ANAPC4: variants seen among roughly 807,000 people sequenced by gnomAD.
ANAPC4 encodes anaphase-promoting complex subunit 4.
In ANAPC4, 63 loss-of-function variants were observed where a neutral mutation model predicts 119.8. That is an observed-to-expected ratio of 0.53 (90% confidence interval 0.43 to 0.65). The LOEUF is 0.65. Ranked by LOEUF, ANAPC4 falls within the 30% of genes least tolerant of loss-of-function variation. The pLI is 0.00. For missense variants in ANAPC4, 716 were observed against 945.1 expected, an observed-to-expected ratio of 0.76 and a Z score of 3.18; for synonymous variants, 283 against 318.6, an observed-to-expected ratio of 0.89 and a Z score of 1.19.
chr4:25,395,714 T>G (rs1186020014), intron 14 of ANAPC4, among the ~76,000 whole-genome samples: 3 of 152,122 alleles, frequency 2.0e-5, no homozygotes, highest in African/African-American at 7.2e-5. Context: ...CCTCCCAAAG[T>G]GCTGGGATTA....
intron 4 of ANAPC4, among the ~76,000 whole-genome samples, chr4:25,384,041 A>G (rs1417092589): frequency 6.6e-6 from 1 of 152,242 alleles, no homozygotes; most frequent in Non-Finnish European, 1.5e-5. Context: ...TCAAAATTAG[A>G]GTCAGCTCTC....
chr4:25,416,318 A>C, intron 26 of ANAPC4, 107 bp from the exon 27 acceptor site: 1 of 591,980 alleles, frequency 1.7e-6, no homozygotes. Context: ...ACAGAATGTC[A>C]CTTAACTTTT....
In ANAPC4 at chr4:25,394,351, C is replaced by T. The variant is rs1349284162; in HGVS notation, c.918C>T (p.His306=). 1 of 1,579,988 alleles carries T rather than the reference C, an allele frequency of 6.3e-7. No homozygotes were observed. Among genetic ancestry groups the T allele is most frequent in the African/African-American group, 1.4e-5 (1 of 72,458 alleles). ...CATCAGTGCAAGATGAGTTCATGCACTTGCTATTATGGGGGAAAGCAAGGT... is the reference window on the plus strand; with the variant it reads ...CATCAGTGCAAGATGAGTTCATGCATTTGCTATTATGGGGGAAAGCAAGGT... ...TTTSVQDEFM[H]LLLWGKASAE... The change falls in exon 12 of 29, where the codon CAC becomes CAT. Residue 306 remains histidine (H), a synonymous_variant. Coordinates refer to ENST00000315368, the MANE Select transcript of ANAPC4 (RefSeq NM_013367.3).
chr4:25,386,093 A>G (rs2109114141), intron 4 of ANAPC4, among the ~76,000 whole-genome samples: 1 of 151,586 alleles, frequency 6.6e-6, no homozygotes, highest in South Asian at 2.1e-4. Flanking sequence ...TTGTATTTTT[A>G]GTAGAGATGG....
rs1721454537 is a variant in ANAPC4 at position 25,377,336 on chromosome 4, C to G, written c.-19C>G. On this transcript the variant is annotated 5_prime_UTR_variant, in exon 1 of 29. Transcript: ENST00000315368. ...GGCCGTGTTAGTCTGCCGGTGGGGA[C>G]TCTTGCAGGTACAGGCGCGGTCGGG... is the stretch of plus-strand genomic sequence containing the variant. 2 of 1,539,158 alleles carry G rather than the reference C, an allele frequency of 1.3e-6. No individual in the cohort carries two copies. Among genetic ancestry groups the G allele is most frequent in the Non-Finnish European group, 1.8e-6 (2 of 1,139,402 alleles).
At chr4:25,412,654 G>GGAGACATTCAA (rs1364130499) in intron 21 of ANAPC4, among the ~76,000 whole-genome samples, 11 of 152,108 alleles carry the variant, frequency 7.2e-5, no homozygotes, top group African/African-American at 2.7e-4. Flanking sequence ...GGGACACTGA[G>GGAGACATTCAA]GCAGGAGAAT....
At chr4:25,385,020 A>G (rs539688786) in intron 4 of ANAPC4, among the ~76,000 whole-genome samples, 6 of 152,330 alleles carry the variant, frequency 3.9e-5, no homozygotes, top group African/African-American at 1.4e-4. Context: ...CCGTGCTGTA[A>G]ACAGATATGC....
intron 12 of ANAPC4, 63 bp from the exon 13 acceptor site, chr4:25,394,608 G>A: frequency 6.7e-7 from 1 of 1,488,970 alleles, no homozygotes; most frequent in Non-Finnish European, 9.1e-7. Flanking sequence ...TTTAAAAGTT[G>A]TAAGTGATGC....
At chr4:25,385,714 G>A (rs796167321) in intron 4 of ANAPC4, among the ~76,000 whole-genome samples, 4 of 152,280 alleles carry the variant, frequency 2.6e-5, no homozygotes, top group African/African-American at 9.6e-5. Flanking sequence ...TTTTCAACGT[G>A]CCTTCCTCTC....
Position 25,394,729 on chromosome 4 carries a change from C to CT in ANAPC4, c.984+17dup. The CT allele has an allele frequency of 6.2e-7, 1 of 1,605,264 alleles. No homozygotes were observed. The highest frequency in any genetic ancestry group is 1.1e-5 in the South Asian group (1 of 88,586). ...AACAGTAAAGGTGCAGTTAATGTAT[C>CT]TATGTATTCAAATGGCTATGAACAC... On this transcript the variant is annotated intron_variant, in intron 13 of 28. Coordinates refer to ENST00000315368, the MANE Select transcript of ANAPC4 (RefSeq NM_013367.3).
At chr4:25,388,434 A>G (rs1722160345) in intron 4 of ANAPC4, 66 bp from the exon 5 acceptor site, 1 of 1,120,022 alleles carries the variant, frequency 8.9e-7, no homozygotes. Flanking sequence ...AAAAATTAGC[A>G]TTTTTAATGG....
rs1682644483 is a variant in ANAPC4 at position 25,407,225 on chromosome 4, A to G, written c.1403A>G (p.Lys468Arg). The change falls in exon 20 of 29, where the codon AAA becomes AGA. Residue 468 changes from lysine (K) to arginine (R), a missense_variant. Physicochemically the swap from Lys to Arg is conservative, Grantham distance 26. Transcript: ENST00000315368. ...CCAGACCTTTATAATCGAAAAGGAA[A>G]ATACTTTAACGTTGAAAGAGTTGGT... ...EAPDLYNRKG[K>R]YFNVERVGQY... 2 of 1,608,888 alleles carry G rather than the reference A, an allele frequency of 1.2e-6. No individual in the cohort carries two copies. Among genetic ancestry groups the G allele is most frequent in the Non-Finnish European group, 1.7e-6 (2 of 1,178,274 alleles).
intron 7 of ANAPC4, among the ~76,000 whole-genome samples, chr4:25,389,479 G>A (rs1722222408): frequency 1.3e-5 from 2 of 151,632 alleles, no homozygotes; most frequent in Admixed American, 6.6e-5. Context: ...TTTTAGTAGA[G>A]ACGGGGTTTC....
intron 16 of ANAPC4, among the ~76,000 whole-genome samples, chr4:25,399,884 G>T (rs1722862251): frequency 6.6e-6 from 1 of 152,182 alleles, no homozygotes; most frequent in African/African-American, 2.4e-5. Context: ...AAAGGAAATG[G>T]GAGAGACAGA....
In ANAPC4 at chr4:25,402,949, TTTTTTG is replaced by T. The variant is rs1560441814; in HGVS notation, c.1215-16_1215-11del. ...CCCCACACACTAATCTTATTTCTGA[TTTTTTG>T]TTTTTATCTCTTTAGAGTTATAGAT... is the stretch of plus-strand genomic sequence containing the variant. On this transcript the variant is annotated splice_polypyrimidine_tract_variant and intron_variant, in intron 16 of 28. Coordinates refer to ENST00000315368, the MANE Select transcript of ANAPC4 (RefSeq NM_013367.3). 7.0e-7 allele frequency: 1 copy of T among 1,438,802 alleles called. No individual in the cohort carries two copies. The highest frequency in any genetic ancestry group is 2.3e-5 in the East Asian group (1 of 42,712). The allele number at this position is 1,438,802 out of a possible 1,614,324, so 89.1% of individuals were successfully genotyped here.
chr4:25,383,119 T>A (rs1721836275), intron 3 of ANAPC4, 142 bp from the exon 4 acceptor site: 1 of 723,574 alleles, frequency 1.4e-6, no homozygotes, highest in Admixed American at 3.6e-5. Flanking sequence ...TTTTAGTTTT[T>A]AAAATATTGA....
chr4:25,393,438 G>A (rs1432882427), intron 10 of ANAPC4, among the ~76,000 whole-genome samples: 1 of 152,072 alleles, frequency 6.6e-6, no homozygotes, highest in Admixed American at 6.6e-5. Flanking sequence ...GAGGCAGGTG[G>A]ATCACTTGAG....
intron 14 of ANAPC4, among the ~76,000 whole-genome samples, chr4:25,395,787 A>C (rs548014923): frequency 9.9e-4 from 151 of 152,220 alleles, no homozygotes; most frequent in African/African-American, 3.5e-3. Flanking sequence ...CTTTATGCTG[A>C]GTCCCTGGCC....
At chr4:25,401,188 T>G (rs1367158816) in intron 16 of ANAPC4, among the ~76,000 whole-genome samples, 1 of 152,162 alleles carries the variant, frequency 6.6e-6, no homozygotes, top group Non-Finnish European at 1.5e-5. Flanking sequence ...ACTTTTCTGT[T>G]TATCTTAGTC....
Sources: allele counts gnomAD v4.1 joint callset (sites outside exome capture counted in the v4.1 genomes callset), GRCh38; gene constraint gnomAD v4.1.1; transcripts MANE v1.5; gene names NCBI Gene and HGNC (gene_info 2026-07-23, HGNC 2026-07-21).